The following SAMD3 variants were observed in gnomAD, a reference collection of about 807,000 sequenced individuals.
SAMD3 encodes the protein sterile alpha motif domain-containing protein 3.
In SAMD3, 63 loss-of-function variants were observed where a neutral mutation model predicts 58.5. The ratio of observed to expected loss-of-function variants is 1.08; its 90% CI spans 0.88 to 1.33. The LOEUF is 1.33. Among genes scored for constraint, SAMD3 ranks in the 40% most tolerant of loss-of-function variants. SAMD3 has a pLI of 0.00. For synonymous variants in SAMD3, 220 were observed against 210.3 expected (o/e 1.05, Z -0.40); for missense variants, 604 against 608.4 (o/e 0.99, Z 0.08).
In SAMD3 at chr6:130,337,324, A is replaced by G. The variant is rs575446019; in HGVS notation, c.-303-24231T>C. On this transcript the variant is annotated intron_variant, in intron 1 of 13. Transcript: ENST00000368134. ...AGACGTGCCTGCTTCCCCTTCCACCATGATTATAAGTTTCCTGAGGCCTCC... is the reference window on the plus strand; with the variant it reads ...AGACGTGCCTGCTTCCCCTTCCACCGTGATTATAAGTTTCCTGAGGCCTCC... 4.6e-5 allele frequency among the ~76,000 whole-genome samples: 7 copies of G among 152,216 alleles called. No individual in the cohort carries two copies. The South Asian group carries it at 1.5e-3, about 32-fold the overall frequency.
intron 5 of SAMD3, among the ~76,000 whole-genome samples, chr6:130,197,841 CT>C (rs1452381614): frequency 2.0e-5 from 3 of 152,188 alleles, no homozygotes; most frequent in Non-Finnish European, 2.9e-5. Flanking sequence ...TGAGCCCAAG[CT>C]AAGCCATCAT....
At chr6:130,281,973 T>C (rs2089997) in intron 2 of SAMD3, among the ~76,000 whole-genome samples, 48,282 of 152,032 alleles carry the variant, frequency 0.32, 7,895 homozygotes, top group East Asian at 0.47. Context: ...TTTCTTAAAC[T>C]TTTCAGCATT....
In SAMD3 at chr6:130,184,187, C is replaced by G; in HGVS notation, c.570G>C (p.Leu190=). 6.2e-7 allele frequency: 1 copy of G among 1,602,680 alleles called. No homozygotes were observed. The change falls in exon 7 of 12, where the codon CTG becomes CTC. Residue 190 remains leucine (L), a splice_region_variant and synonymous_variant. Coordinates refer to ENST00000439090, the MANE Select transcript of SAMD3 (RefSeq NM_001017373.4). ...CATTGTACTGCTGGGTGCTGGGGTA[C>G]CTGTTCACCAAAACAAGGAGGATAT... is the stretch of plus-strand genomic sequence containing the variant. The part of the protein sequence containing the change: ...ADMTKYLEGS[L]YPSTQQYNDV...
chr6:130,264,855 G>GAA, intron 2 of SAMD3, among the ~76,000 whole-genome samples: 1 of 145,186 alleles, frequency 6.9e-6, no homozygotes, highest in African/African-American at 2.5e-5. Flanking sequence ...CTATGTGTCA[G>GAA]AAAAAAAAAA....
At chr6:130,246,949 T>G (rs1305420378) in intron 2 of SAMD3, among the ~76,000 whole-genome samples, 1 of 152,160 alleles carries the variant, frequency 6.6e-6, no homozygotes, top group Non-Finnish European at 1.5e-5. Context: ...TTTCAATATA[T>G]ATTACTTTAA....
chr6:130,356,513 A>G (rs1276329365), intron 1 of SAMD3, among the ~76,000 whole-genome samples: 3 of 152,198 alleles, frequency 2.0e-5, no homozygotes, highest in African/African-American at 4.8e-5. Context: ...TATCATTTCC[A>G]AACATTATAT....
intron 2 of SAMD3, among the ~76,000 whole-genome samples, chr6:130,294,335 G>C (rs1775483645): frequency 6.6e-6 from 1 of 152,044 alleles, no homozygotes; most frequent in Non-Finnish European, 1.5e-5. Flanking sequence ...AGAGAATCTT[G>C]AATAAACTTT....
intron 1 of SAMD3, among the ~76,000 whole-genome samples, chr6:130,338,072 T>C (rs1777155843): frequency 6.6e-6 from 1 of 152,160 alleles, no homozygotes; most frequent in South Asian, 2.1e-4. Context: ...GGAAAAATGG[T>C]TTCATGGGCT....
At chr6:130,340,113 G>A (rs1777223895) in intron 1 of SAMD3, among the ~76,000 whole-genome samples, 1 of 152,192 alleles carries the variant, frequency 6.6e-6, no homozygotes, top group Non-Finnish European at 1.5e-5. Context: ...TACAATATGT[G>A]TTCAATAATA....
chr6:130,331,109 A>G (rs1776919041), intron 1 of SAMD3, among the ~76,000 whole-genome samples: 1 of 152,238 alleles, frequency 6.6e-6, no homozygotes, highest in African/African-American at 2.4e-5. Context: ...CTAATATATG[A>G]GCAGAAAAAG....
chr6:130,299,015 T>C (rs1171265387), intron 2 of SAMD3, among the ~76,000 whole-genome samples: 3 of 152,092 alleles, frequency 2.0e-5, no homozygotes, highest in African/African-American at 7.2e-5. Flanking sequence ...TAACAGTGGG[T>C]GACTTCAACA....
chr6:130,255,738 C>T (rs1037765519), intron 2 of SAMD3, among the ~76,000 whole-genome samples: 2 of 152,022 alleles, frequency 1.3e-5, no homozygotes, highest in Non-Finnish European at 2.9e-5. Context: ...AAGCGATCCC[C>T]CCACCTCAGC....
chr6:130,215,277 T>G lies in SAMD3; in HGVS notation c.-4A>C. ...GCTCAACTGACCAGGTTTCCATTGC[T>G]GTCTCCTGTAAATACACCTGTAGAG... On this transcript the variant is annotated 5_prime_UTR_variant, in exon 3 of 12. Coordinates refer to ENST00000439090, the MANE Select transcript of SAMD3 (RefSeq NM_001017373.4). 1 of 1,606,940 alleles carries G rather than the reference T, an allele frequency of 6.2e-7. No homozygotes were observed. Among genetic ancestry groups the G allele is most frequent in the Non-Finnish European group, 8.5e-7 (1 of 1,174,630 alleles).
At chr6:130,242,490 C>T (rs772476100) in intron 2 of SAMD3, among the ~76,000 whole-genome samples, 14 of 152,232 alleles carry the variant, frequency 9.2e-5, no homozygotes, top group Non-Finnish European at 2.1e-4. Context: ...GATAAGTAAA[C>T]AAGACATTTT....
At chr6:130,347,572 C>T (rs1562533972) in intron 1 of SAMD3, among the ~76,000 whole-genome samples, 1 of 152,066 alleles carries the variant, frequency 6.6e-6, no homozygotes, top group Non-Finnish European at 1.5e-5. Context: ...AAATATGGGA[C>T]TATGTGAAAA....
chr6:130,293,895 G>A (rs534221378), intron 2 of SAMD3, among the ~76,000 whole-genome samples: 4 of 152,070 alleles, frequency 2.6e-5, no homozygotes, highest in South Asian at 2.1e-4. Context: ...TATGCTATAC[G>A]GGTAAGGAAA....
chr6:130,152,150 C>T (rs1041661872), intron 9 of SAMD3, among the ~76,000 whole-genome samples: 1 of 152,092 alleles, frequency 6.6e-6, no homozygotes, highest in Non-Finnish European at 1.5e-5. Flanking sequence ...TCTCCACCAG[C>T]TCCCTAAGCA....
chr6:130,164,354 T>C lies in SAMD3; in HGVS notation c.823-9329A>G, dbSNP rs146574147. Reference sequence around the variant, plus strand: ...TTTTACTTAAAGCAAAATCATTTTTTCCTATGTTCTAAGTGTTCTTATTAC... The same window carrying C: ...TTTTACTTAAAGCAAAATCATTTTTCCCTATGTTCTAAGTGTTCTTATTAC... On this transcript the variant is annotated intron_variant, in intron 8 of 11. Coordinates refer to ENST00000439090, the MANE Select transcript of SAMD3 (RefSeq NM_001017373.4). 2.3e-3 allele frequency among the ~76,000 whole-genome samples: 348 copies of C among 152,326 alleles called. 3 individuals carry two copies. Among genetic ancestry groups the C allele is most frequent in the African/African-American group, 7.8e-3 (326 of 41,576 alleles).
At chr6:130,338,063 G>A (rs1361379175) in intron 1 of SAMD3, among the ~76,000 whole-genome samples, 1 of 152,206 alleles carries the variant, frequency 6.6e-6, no homozygotes, top group Non-Finnish European at 1.5e-5. Context: ...GTCTAGGAGG[G>A]AAAAATGGTT....
Sources: allele counts gnomAD v4.1 joint callset (sites outside exome capture counted in the v4.1 genomes callset), GRCh38; gene constraint gnomAD v4.1.1; transcripts MANE v1.5; gene names NCBI Gene and HGNC (gene_info 2026-07-23, HGNC 2026-07-21).